The following AMBRA1 variants were observed in gnomAD, a reference collection of about 807,000 sequenced individuals.
AMBRA1 encodes autophagy and beclin 1 regulator 1.
A neutral mutation model predicts 125.4 loss-of-function variants in AMBRA1; 47 were observed. The observed-to-expected ratio is 0.37, with a 90% CI of 0.30 to 0.48. The LOEUF (loss-of-function observed/expected upper bound fraction) is 0.48, where lower values mean the gene tolerates loss of function less well. AMBRA1 is among the 20% of genes least tolerant of loss of function. The pLI is 0.99. For synonymous variants in AMBRA1, 626 were observed against 655.5 expected (o/e 0.95, Z 0.69); for missense variants, 1,331 against 1,693.4 (o/e 0.79, Z 3.76).
At position 46,510,381 on chromosome 11, in the gene AMBRA1, C is replaced by T. The variant is rs181951803; in HGVS notation, c.2160-2011G>A. Among the ~76,000 whole-genome samples the T allele has an allele frequency of 4.6e-5, 7 of 152,212 alleles. No individual in the cohort carries two copies. In the East Asian group the frequency reaches 7.7e-4, roughly 17 times the overall value. ...TTCGTGCACTGTTCTTATATCTGCC[C>T]AATATATAGAACTCTTCTAGCAGAA... is the stretch of plus-strand genomic sequence containing the variant. On this transcript the variant is annotated intron_variant, in intron 8 of 17. Transcript: ENST00000683756.
intron 12 of AMBRA1, among the ~76,000 whole-genome samples, chr11:46,438,222 C>A (rs1257526418): frequency 6.6e-6 from 1 of 152,130 alleles, no homozygotes; most frequent in African/African-American, 2.4e-5. Context: ...CAAAACTGCT[C>A]TAGAACTTCA....
chr11:46,512,901 A>C, intron 7 of AMBRA1, 88 bp from the exon 8 acceptor site: 1 of 1,226,548 alleles, frequency 8.2e-7, no homozygotes, highest in Non-Finnish European at 1.1e-6. Flanking sequence ...GAGATATATA[A>C]CTTTCCCCTT....
chr11:46,466,098 T>C (rs1949311737), intron 11 of AMBRA1, among the ~76,000 whole-genome samples: 1 of 152,226 alleles, frequency 6.6e-6, no homozygotes, highest in African/African-American at 2.4e-5. Context: ...AATAGCACTG[T>C]GGAAGATGTA....
At chr11:46,431,816 G>T (rs1947466063) in intron 14 of AMBRA1, among the ~76,000 whole-genome samples, 1 of 152,216 alleles carries the variant, frequency 6.6e-6, no homozygotes, top group East Asian at 1.9e-4. Context: ...TAAGAAAATA[G>T]ACTTGATGAA....
In AMBRA1 at chr11:46,399,672, G is replaced by A. The variant is rs541808746; in HGVS notation, c.3404-1729C>T. Among the ~76,000 whole-genome samples, 18 of 152,314 alleles carry A rather than the reference G, an allele frequency of 1.2e-4. No individual in the cohort carries two copies. The South Asian group carries it at 3.5e-3, about 30-fold the overall frequency. ...GAGCCACCGTGCCTGGTCAGAAGCT[G>A]AGAGTTTTAACTGTTCCTTGGAAGG... On this transcript the variant is annotated intron_variant, in intron 17 of 17. Transcript: ENST00000683756.
Position 46,545,871 on chromosome 11 carries a change from T to A in AMBRA1, c.379-95A>T, listed in dbSNP as rs188178492. 27 of 1,219,340 alleles carry A rather than the reference T, an allele frequency of 2.2e-5. No individual in the cohort carries two copies. In the East Asian group the frequency reaches 6.5e-4, roughly 29 times the overall value. 75.5% of individuals were successfully genotyped at this position (1,219,340 alleles called of 1,614,324 possible). A position where few individuals can be genotyped will look rare whatever the true frequency, so the allele number is the denominator to read the frequency against. On this transcript the variant is annotated intron_variant, in intron 4 of 17. Transcript: ENST00000683756. ...AAAGGTCCATTTAAGGTAAAATGAC[T>A]ATGTCTAGGGACTACTTTAAATACA...
intron 11 of AMBRA1, among the ~76,000 whole-genome samples, chr11:46,447,720 AT>A (rs1270538503): frequency 4.2e-4 from 3 of 7,202 alleles, no homozygotes; most frequent in African/African-American, 6.7e-4. Flanking sequence ...AGATAGATAG[AT>A]AGATAGATAG....
In AMBRA1 at chr11:46,542,338, A is replaced by G; in HGVS notation, c.1679T>C (p.Leu560Pro). 1 of 1,614,118 alleles carries G rather than the reference A, an allele frequency of 6.2e-7. No individual in the cohort carries two copies. Among genetic ancestry groups the G allele is most frequent in the Non-Finnish European group, 8.5e-7 (1 of 1,180,024 alleles). ...TPHSSENNSN[L>P]SRGHLNRCRA... ...ACAGCGATTCAGGTGGCCACGGGAC[A>G]GGTTGGAGTTGTTCTCACTGCTGTG... Residue 560 changes from leucine (L) to proline (P), a missense_variant, in exon 7 of 18, where the codon CTG becomes CCG. This residue lies in a region of AMBRA1 where 689 missense variants were observed against 776.5 expected (regional missense o/e 0.89). Transcript: ENST00000683756. The surrounding 1 kb of genome is among the most constrained non-coding windows in gnomAD (Gnocchi z 5.9).
intron 1 of AMBRA1, among the ~76,000 whole-genome samples, chr11:46,586,353 G>A (rs937242800): frequency 5.3e-5 from 8 of 152,160 alleles, no homozygotes; most frequent in Non-Finnish European, 1.0e-4. Flanking sequence ...AGGCTGCAAT[G>A]AGCCAAGATT....
At chr11:46,536,429 G>C (rs1253151832) in intron 7 of AMBRA1, among the ~76,000 whole-genome samples, 1 of 152,206 alleles carries the variant, frequency 6.6e-6, no homozygotes, top group Non-Finnish European at 1.5e-5. Flanking sequence ...GCTGTGCTGG[G>C]TTTTGAATAA....
intron 9 of AMBRA1, among the ~76,000 whole-genome samples, chr11:46,502,521 T>C (rs2135013176): frequency 6.6e-6 from 1 of 152,214 alleles, no homozygotes; most frequent in South Asian, 2.1e-4. Context: ...TGGGTACAAG[T>C]TATATATTTG....
intron 14 of AMBRA1, among the ~76,000 whole-genome samples, chr11:46,421,655 G>A (rs188431671): frequency 1.9e-3 from 285 of 152,234 alleles, no homozygotes; most frequent in African/African-American, 6.7e-3. Context: ...CCCCTTTCCC[G>A]GGCCAAAGCT....
chr11:46,430,397 T>C (rs1947398363), intron 14 of AMBRA1, among the ~76,000 whole-genome samples: 1 of 152,218 alleles, frequency 6.6e-6, no homozygotes, highest in Non-Finnish European at 1.5e-5. Flanking sequence ...TGAAGAAATC[T>C]TGTTTTAAAA....
At chr11:46,566,354 G>T (rs2043531673) in intron 1 of AMBRA1, among the ~76,000 whole-genome samples, 1 of 151,894 alleles carries the variant, frequency 6.6e-6, no homozygotes, top group African/African-American at 2.4e-5. Context: ...GGAGGCAGAG[G>T]TTGCAGTGAG....
At chr11:46,528,858 C>A (rs1952092947) in intron 7 of AMBRA1, among the ~76,000 whole-genome samples, 1 of 152,120 alleles carries the variant, frequency 6.6e-6, no homozygotes, top group Non-Finnish European at 1.5e-5. Context: ...GGTGAAATGA[C>A]CCAAGGGGAC....
intron 11 of AMBRA1, among the ~76,000 whole-genome samples, chr11:46,465,700 T>A (rs191634819): frequency 1.3e-5 from 2 of 152,260 alleles, no homozygotes; most frequent in East Asian, 3.9e-4. Flanking sequence ...GTGTAAGGGA[T>A]CATCAGTGTA....
chr11:46,582,413 T>G (rs1231611041), intron 1 of AMBRA1, among the ~76,000 whole-genome samples: 1 of 152,300 alleles, frequency 6.6e-6, no homozygotes, highest in Non-Finnish European at 1.5e-5. Context: ...CTGTCATAGG[T>G]TTGGCACACA....
intron 7 of AMBRA1, among the ~76,000 whole-genome samples, chr11:46,520,747 C>G (rs1009153740): frequency 3.3e-5 from 5 of 151,620 alleles, no homozygotes; most frequent in Admixed American, 6.6e-5. Context: ...AGGCGCCCAC[C>G]ACCAAGCCCG....
intron 11 of AMBRA1, among the ~76,000 whole-genome samples, chr11:46,461,079 C>CA (rs1418538676): frequency 6.6e-6 from 1 of 152,084 alleles, no homozygotes; most frequent in Non-Finnish European, 1.5e-5. Flanking sequence ...TTTATTGCTA[C>CA]AAAAAATTAA....
Sources: allele counts gnomAD v4.1 joint callset (sites outside exome capture counted in the v4.1 genomes callset), GRCh38; gene constraint gnomAD v4.1.1; regional missense constraint gnomAD v4.1.1; non-coding constraint Gnocchi (gnomAD v3.1); transcripts MANE v1.5; gene names NCBI Gene and HGNC (gene_info 2026-07-23, HGNC 2026-07-21).